The following PDE11A variants were observed in gnomAD, a reference collection of about 807,000 sequenced individuals.
PDE11A encodes the protein dual 3',5'-cyclic-AMP and -GMP phosphodiesterase 11A.
Under a neutral mutation model 100.5 loss-of-function variants are expected in PDE11A, and 100 were observed. That is an observed-to-expected ratio of 1.00 (90% CI 0.85 to 1.18). The LOEUF (loss-of-function observed/expected upper bound fraction) is 1.18, where lower values mean the gene tolerates loss of function less well. Among genes scored for constraint, PDE11A ranks in the 50% most tolerant of loss-of-function variants. The pLI is 0.00. For synonymous variants in PDE11A, 381 were observed against 420.8 expected, an observed-to-expected ratio of 0.91 and a Z score of 1.16; for missense variants, 1,141 against 1,152.6, an observed-to-expected ratio of 0.99 and a Z score of 0.15.
intron 15 of PDE11A, chr2:177,687,428 G>A (rs919187652): frequency 2.0e-5 from 3 of 152,142 alleles, no homozygotes; most frequent in Non-Finnish European, 4.4e-5. Context: ...GGTCATCATA[G>A]TGTATGTATT....
chr2:178,106,957 C>CAAA (rs575714643), intron 1 of PDE11A, among the ~76,000 whole-genome samples: 6 of 61,042 alleles, frequency 9.8e-5, no homozygotes, highest in East Asian at 4.6e-4. Context: ...AAGACTCTCT[C>CAAA]AAAAAAAAAA....
In PDE11A at chr2:178,072,773, T is replaced by G. The variant is rs1390409585; in HGVS notation, c.-336A>C. The G allele has an allele frequency of 4.0e-6, 5 of 1,264,970 alleles. No homozygotes were observed. In the African/African-American group the frequency reaches 4.6e-5, roughly 12 times the overall value. The allele number at this position is 1,264,970 out of a possible 1,614,324, so 78.4% of individuals were successfully genotyped here. A position where few individuals can be genotyped will look rare whatever the true frequency, so the allele number is the denominator to read the frequency against. ...GCCGCTGCTGCTGGAACTGCTGCTG[T>G]AACCGGATGAGTGGACCGCTGTGAC... On this transcript the variant is annotated 5_prime_UTR_variant, in exon 1 of 20. Coordinates refer to ENST00000286063, the MANE Select transcript of PDE11A (RefSeq NM_016953.4).
At chr2:177,854,291 A>G (rs1216297997) in intron 5 of PDE11A, among the ~76,000 whole-genome samples, 3 of 152,092 alleles carry the variant, frequency 2.0e-5, no homozygotes, top group African/African-American at 7.2e-5. Flanking sequence ...TAATGAGAGC[A>G]TTTGAGTCTT....
At chr2:177,796,321 A>C (rs2082707997) in intron 9 of PDE11A, among the ~76,000 whole-genome samples, 1 of 152,038 alleles carries the variant, frequency 6.6e-6, no homozygotes, top group Non-Finnish European at 1.5e-5. Context: ...TATTCCAGGT[A>C]CCTGGGATCA....
intron 5 of PDE11A, among the ~76,000 whole-genome samples, chr2:177,844,646 A>C (rs2083551030): frequency 6.6e-6 from 1 of 151,380 alleles, no homozygotes; most frequent in Non-Finnish European, 1.5e-5. Flanking sequence ...TAAACAAGTG[A>C]ACAAAGGTCT....
At chr2:177,671,155 C>A (rs1197872157) in intron 17 of PDE11A, among the ~76,000 whole-genome samples, 1 of 152,170 alleles carries the variant, frequency 6.6e-6, no homozygotes. Context: ...ATGTGCACAT[C>A]AGGCGCCTCA....
At position 177,728,035 on chromosome 2, in the gene PDE11A, A is replaced by G; in HGVS notation, c.1926T>C (p.Ile642=). ...AAGACAGACATCTTACCTCATAGTCAATTTTAAATTTCTGTACCATCCCCA... is the reference window on the plus strand; with the variant it reads ...AAGACAGACATCTTACCTCATAGTCGATTTTAAATTTCTGTACCATCCCCA... The part of the protein sequence containing the change: ...MELGMVQKFK[I]DYETLCRWLL... The change falls in exon 11 of 20, where the codon ATT becomes ATC. Residue 642 remains isoleucine, a synonymous_variant. Coordinates refer to ENST00000286063, the MANE Select transcript of PDE11A (RefSeq NM_016953.4). 1 of 1,613,202 alleles carries G rather than the reference A, an allele frequency of 6.2e-7. No individual in the cohort carries two copies. Among genetic ancestry groups the G allele is most frequent in the Non-Finnish European group, 8.5e-7 (1 of 1,179,372 alleles).
Position 177,905,155 on chromosome 2 carries a change from G to T in PDE11A, c.1104C>A (p.Ile368=). The T allele has an allele frequency of 6.2e-7, 1 of 1,607,720 alleles. No homozygotes were observed. The highest frequency in any genetic ancestry group is 8.5e-7 in the Non-Finnish European group (1 of 1,174,240). The part of the protein sequence containing the change: ...VMQMYLPFCG[I]AISNAQLFAA... The stretch of plus-strand genomic sequence containing the variant: ...CAAAGAGCTGAGCGTTAGATATGGC[G>T]ATTCCACAAAATGGAAGATACATCT... The change falls in exon 3 of 20, where the codon ATC becomes ATA. Residue 368 remains isoleucine, a synonymous_variant. Transcript: ENST00000286063.
intron 17 of PDE11A, among the ~76,000 whole-genome samples, chr2:177,670,111 G>A (rs1166371719): frequency 6.6e-6 from 1 of 152,164 alleles, no homozygotes; most frequent in Non-Finnish European, 1.5e-5. Flanking sequence ...TCCTACTGTT[G>A]CAATCAATCA....
intron 3 of PDE11A, among the ~76,000 whole-genome samples, chr2:177,901,236 CTGATCTTG>C (rs1055137836): frequency 6.6e-6 from 1 of 152,044 alleles, no homozygotes; most frequent in Non-Finnish European, 1.5e-5. Context: ...ATTGGCTCAT[CTGATCTTG>C]TGACCCCCCC....
intron 2 of PDE11A, among the ~76,000 whole-genome samples, chr2:177,909,586 T>G (rs1010982895): frequency 6.6e-6 from 1 of 152,224 alleles, no homozygotes; most frequent in African/African-American, 2.4e-5. Context: ...TTCAACTCCC[T>G]GTTAAGGCCT....
At chr2:177,771,666 T>G (rs2082311925) in intron 9 of PDE11A, among the ~76,000 whole-genome samples, 1 of 152,214 alleles carries the variant, frequency 6.6e-6, no homozygotes, top group Admixed American at 6.5e-5. Context: ...CTGCAGCAAC[T>G]TCTTAAAACT....
chr2:178,029,522 A>T (rs1347182142), intron 1 of PDE11A, among the ~76,000 whole-genome samples: 1 of 152,136 alleles, frequency 6.6e-6, no homozygotes, highest in Non-Finnish European at 1.5e-5. Flanking sequence ...AAGAGTTCTT[A>T]AAGGTTCTGT....
chr2:178,058,170 A>T (rs947527894), intron 1 of PDE11A, among the ~76,000 whole-genome samples: 1 of 152,126 alleles, frequency 6.6e-6, no homozygotes, highest in African/African-American at 2.4e-5. Context: ...GCTCAGCATT[A>T]TTAGCTAAAC....
At chr2:178,043,923 T>C (rs1379120298) in intron 1 of PDE11A, among the ~76,000 whole-genome samples, 1 of 152,212 alleles carries the variant, frequency 6.6e-6, no homozygotes, top group East Asian at 1.9e-4. Flanking sequence ...CTTTGAAGAG[T>C]TAGCAATTTG....
intron 19 of PDE11A, among the ~76,000 whole-genome samples, chr2:177,657,339 C>A (rs1280863120): frequency 2.0e-5 from 3 of 152,192 alleles, no homozygotes; most frequent in Non-Finnish European, 2.9e-5. Flanking sequence ...GCTCCTCTCC[C>A]GTCATCTCAG....
At chr2:177,784,065 G>A (rs1222511762) in intron 9 of PDE11A, among the ~76,000 whole-genome samples, 1 of 151,862 alleles carries the variant, frequency 6.6e-6, no homozygotes, top group East Asian at 1.9e-4. Flanking sequence ...GACAGCTCCT[G>A]TTCAGGATGA....
chr2:177,694,348 C>T (rs759602820), intron 15 of PDE11A, among the ~76,000 whole-genome samples: 3 of 152,102 alleles, frequency 2.0e-5, no homozygotes, highest in Admixed American at 6.6e-5. Flanking sequence ...AACACAAGAT[C>T]CTGCAAGTGT....
At chr2:177,968,123 T>C (rs1377221502) in intron 2 of PDE11A, among the ~76,000 whole-genome samples, 1 of 152,158 alleles carries the variant, frequency 6.6e-6, no homozygotes, top group Non-Finnish European at 1.5e-5. Context: ...AGGTGCTAAT[T>C]CTTATTTATC....
Sources: gnomAD v4.1 joint callset for allele counts (sites outside exome capture counted in the v4.1 genomes callset) on GRCh38, gnomAD v4.1.1 for gene constraint, MANE v1.5 for transcripts, NCBI Gene and HGNC (gene_info 2026-07-23, HGNC 2026-07-21) for gene names.